Variants in PLEKHF2 observed in about 807,000 individuals in gnomAD.
PLEKHF2 encodes the protein pleckstrin homology domain-containing family F member 2.
A neutral mutation model predicts 14.7 loss-of-function variants in PLEKHF2; 4 were observed. The ratio of observed to expected loss-of-function variants is 0.27; its 90% confidence interval spans 0.13 to 0.62. The LOEUF (loss-of-function observed/expected upper bound fraction) is 0.62, where lower values mean the gene tolerates loss of function less well. Ranked by LOEUF, PLEKHF2 falls within the 20% of genes least tolerant of loss-of-function variation. The pLI is 0.85. For missense variants in PLEKHF2, 201 were observed against 307.7 expected, an observed-to-expected ratio of 0.65 and a Z score of 2.60; for synonymous variants, 90 against 103.5, an observed-to-expected ratio of 0.87 and a Z score of 0.79.
chr8:95,143,479 A>G (rs1233201231), intron 1 of PLEKHF2, among the ~76,000 whole-genome samples: 1 of 152,214 alleles, frequency 6.6e-6, no homozygotes, highest in Non-Finnish European at 1.5e-5. Context: ...CAAATAGACT[A>G]TAAGTGCTAT....
intron 1 of PLEKHF2, among the ~76,000 whole-genome samples, chr8:95,142,113 C>T (rs957781113): frequency 8.5e-5 from 13 of 152,072 alleles, no homozygotes; most frequent in African/African-American, 2.4e-4. Flanking sequence ...TTCCACCAAA[C>T]ATAAACCTTG....
At chr8:95,151,981 G>A (rs1810569392) in intron 1 of PLEKHF2, among the ~76,000 whole-genome samples, 1 of 152,002 alleles carries the variant, frequency 6.6e-6, no homozygotes, top group Non-Finnish European at 1.5e-5. Flanking sequence ...TTTACTATAT[G>A]TATTTGAAAT....
chr8:95,154,424 A>G lies in PLEKHF2; in HGVS notation c.380A>G (p.Asn127Ser). The G allele has an allele frequency of 7.4e-6, 12 of 1,614,174 alleles. No homozygotes were observed. Among genetic ancestry groups the G allele is most frequent in the Non-Finnish European group, 1.0e-5 (12 of 1,179,992 alleles). Residue 127 changes from asparagine to serine, a missense_variant, in exon 2 of 2, where the codon AAT (asparagine) becomes AGT (serine). Asn to Ser is a conservative substitution (Grantham distance 46). Coordinates refer to ENST00000315367, the MANE Select transcript of PLEKHF2 (RefSeq NM_024613.4). This position sits in a 1 kb window ranked among gnomAD's most constrained non-coding sequence, Gnocchi z 5.6. ...AAATCAGAATGGATGAATCATATAA[A>G]TAAATGTGTTACTGATTTACTCTCC... ...TEKSEWMNHINKCVTDLLSKS... is the reference protein window; with the variant it reads ...TEKSEWMNHISKCVTDLLSKS...
intron 1 of PLEKHF2, among the ~76,000 whole-genome samples, chr8:95,148,429 T>C (rs1810524298): frequency 6.6e-6 from 1 of 152,028 alleles, no homozygotes; most frequent in Non-Finnish European, 1.5e-5. Context: ...AGTTAAAATG[T>C]TTTTAAGAAA....
At chr8:95,152,377 A>G (rs1810572918) in intron 1 of PLEKHF2, among the ~76,000 whole-genome samples, 1 of 152,112 alleles carries the variant, frequency 6.6e-6, no homozygotes, top group East Asian at 1.9e-4. Flanking sequence ...GAATACACAT[A>G]TTCTCTGTAG....
chr8:95,152,043 TTA>T (rs1274286354), intron 1 of PLEKHF2, among the ~76,000 whole-genome samples: 2 of 152,106 alleles, frequency 1.3e-5, no homozygotes, highest in Non-Finnish European at 2.9e-5. Flanking sequence ...ATTTTTCTCT[TTA>T]TGAGTTGCAC....
At chr8:95,141,020 A>G (rs901258707) in intron 1 of PLEKHF2, among the ~76,000 whole-genome samples, 2 of 152,196 alleles carry the variant, frequency 1.3e-5, no homozygotes, top group Non-Finnish European at 2.9e-5. Flanking sequence ...GTCTATATAA[A>G]TATGAGAATA....
chr8:95,149,043 CTT>C (rs895267942), intron 1 of PLEKHF2, among the ~76,000 whole-genome samples: 5 of 152,114 alleles, frequency 3.3e-5, no homozygotes, highest in African/African-American at 1.2e-4. Flanking sequence ...GATTAATAGT[CTT>C]TATGTGTAAC....
At position 95,156,075 on chromosome 8, in the gene PLEKHF2, TCTTTA is replaced by T. The variant is rs1810615624; in HGVS notation, c.*1286_*1290del. 1.2e-5 allele frequency: 2 copies of T among 167,072 alleles called. No individual in the cohort carries two copies. The highest frequency in any genetic ancestry group is 2.1e-4 in the South Asian group (1 of 4,834). The allele number at this position is 167,072 out of a possible 1,614,324, so 10.3% of individuals were successfully genotyped here. On this transcript the variant is annotated 3_prime_UTR_variant, in exon 2 of 2. Coordinates refer to ENST00000315367, the MANE Select transcript of PLEKHF2 (RefSeq NM_024613.4). The stretch of plus-strand genomic sequence containing the variant: ...TTTATTTTGAGAAGTAATTGTTCAC[TCTTTA>T]CTTTTGAGGCAGCCATTAGGTTGAA...
intron 1 of PLEKHF2, among the ~76,000 whole-genome samples, chr8:95,153,042 T>C (rs562389764): frequency 6.6e-6 from 1 of 152,298 alleles, no homozygotes; most frequent in Admixed American, 6.5e-5. Flanking sequence ...AAAATGTTAT[T>C]AACATTTTTT....
Position 95,154,647 on chromosome 8 carries a change from G to T in PLEKHF2, c.603G>T (p.Val201=), listed in dbSNP as rs774961196. 1 of 1,614,118 alleles carries T rather than the reference G, an allele frequency of 6.2e-7. No individual in the cohort carries two copies. Among genetic ancestry groups the T allele is most frequent in the East Asian group, 2.2e-5 (1 of 44,890 alleles). ...FLLPSQSSKP[V]RICDFCYDLL... is the part of the protein sequence containing the mutation. ...TTCCCAGCCAGTCCTCTAAGCCTGT[G>T]CGGATTTGTGACTTCTGCTATGACC... The change falls in exon 2 of 2, where the codon GTG becomes GTT. Residue 201 remains valine (V), a synonymous_variant. Transcript: ENST00000315367. The surrounding 1 kb of genome is among the most constrained non-coding windows in gnomAD (Gnocchi z 5.6).
intron 1 of PLEKHF2, among the ~76,000 whole-genome samples, chr8:95,137,341 A>G (rs1810387038): frequency 6.6e-6 from 1 of 152,236 alleles, no homozygotes; most frequent in South Asian, 2.1e-4. Flanking sequence ...TTTTAAAGGG[A>G]AGCAGCCTGT....
chr8:95,140,658 T>G (rs183199958), intron 1 of PLEKHF2, among the ~76,000 whole-genome samples: 6 of 152,196 alleles, frequency 3.9e-5, no homozygotes, highest in African/African-American at 7.2e-5. Context: ...AAACCCCAGA[T>G]AGTTTGAGCT....
At chr8:95,144,654 G>A (rs1239689785) in intron 1 of PLEKHF2, among the ~76,000 whole-genome samples, 1 of 152,066 alleles carries the variant, frequency 6.6e-6, no homozygotes, top group East Asian at 1.9e-4. Context: ...ATCACCTGAG[G>A]TCAGGAGTTC....
chr8:95,149,902 G>C (rs1341832022), intron 1 of PLEKHF2, among the ~76,000 whole-genome samples: 2 of 152,096 alleles, frequency 1.3e-5, no homozygotes, highest in Admixed American at 6.6e-5. Flanking sequence ...GTAATCTTGT[G>C]TTCTAACCCT....
At chr8:95,134,852 T>C (rs1472107458) in intron 1 of PLEKHF2, among the ~76,000 whole-genome samples, 1 of 152,154 alleles carries the variant, frequency 6.6e-6, no homozygotes, top group East Asian at 1.9e-4. Context: ...AGTACGTTGC[T>C]GAAGAGACTC....
At chr8:95,148,396 T>C (rs1810524099) in intron 1 of PLEKHF2, among the ~76,000 whole-genome samples, 1 of 152,090 alleles carries the variant, frequency 6.6e-6, no homozygotes, top group Non-Finnish European at 1.5e-5. Context: ...AAGTAGATTT[T>C]ATCTAGACAA....
rs1418134646 is a variant in PLEKHF2 at position 95,155,802 on chromosome 8, G to A, written c.*1008G>A. On this transcript the variant is annotated 3_prime_UTR_variant, in exon 2 of 2. Coordinates refer to ENST00000315367, the MANE Select transcript of PLEKHF2 (RefSeq NM_024613.4). ...TTGGAAGAAATAATATGTAAGAATG[G>A]CCTCAAGGCAGACCACTTTAAGTTT... is the stretch of plus-strand genomic sequence containing the variant. 2 of 167,018 alleles carry A rather than the reference G, an allele frequency of 1.2e-5. No individual in the cohort carries two copies. The highest frequency in any genetic ancestry group is 2.9e-5 in the Non-Finnish European group (2 of 68,098). The allele number at this position is 167,018 out of a possible 1,614,324, so 10.3% of individuals were successfully genotyped here.
In PLEKHF2 at chr8:95,136,373, C is replaced by CACACAT. The variant is rs10534400; in HGVS notation, c.-15+2344_-15+2345insCACATA. ...ACACACACACACACACACACACACA[C>CACACAT]ATGTTTTGTTGTTGTTTTGTTGAGA... On this transcript the variant is annotated intron_variant, in intron 1 of 1. Transcript: ENST00000315367. Among the ~76,000 whole-genome samples, 645 of 145,224 alleles carry CACACAT rather than the reference C, an allele frequency of 4.4e-3. 8 individuals carry two copies. Among genetic ancestry groups the CACACAT allele is most frequent in the African/African-American group, 0.016 (615 of 39,230 alleles).
Sources: allele counts gnomAD v4.1 joint callset (sites outside exome capture counted in the v4.1 genomes callset), GRCh38; gene constraint gnomAD v4.1.1; non-coding constraint Gnocchi (gnomAD v3.1); transcripts MANE v1.5; gene names NCBI Gene and HGNC (gene_info 2026-07-23, HGNC 2026-07-21).